The following PTPRD variants were observed in gnomAD, a reference collection of about 807,000 sequenced individuals.
PTPRD encodes the protein protein tyrosine phosphatase receptor type D.
A neutral mutation model predicts 214.5 loss-of-function variants in PTPRD; 34 were observed. The observed-to-expected ratio is 0.16, with a 90% CI of 0.12 to 0.21. PTPRD has a LOEUF of 0.21. Ranked by LOEUF, PTPRD falls within the 10% of genes least tolerant of loss-of-function variation. PTPRD has a pLI of 1.00. For missense variants in PTPRD, 2,545 were observed against 2,398.7 expected (o/e 1.06, Z -1.27); for synonymous variants, 1,128 against 845.7 (o/e 1.33, Z -5.79).
At position 8,415,214 on chromosome 9, in the gene PTPRD, G is replaced by C. The variant is rs562860190; in HGVS notation, c.4087-10554C>G. Among the ~76,000 whole-genome samples the C allele has an allele frequency of 2.6e-5, 4 of 152,268 alleles. No homozygotes were observed. The East Asian group carries it at 7.7e-4, about 29-fold the overall frequency. ...GCTGCACACAAGAGAGAAAAAGGAA[G>C]AAAGCAGAGAATGTGTTTCTCAGCA... On this transcript the variant is annotated intron_variant, in intron 35 of 45. Coordinates refer to ENST00000381196, the MANE Select transcript of PTPRD (RefSeq NM_002839.4).
chr9:9,488,837 G>C (rs970769028), intron 8 of PTPRD, among the ~76,000 whole-genome samples: 3 of 152,166 alleles, frequency 2.0e-5, no homozygotes, highest in Admixed American at 2.0e-4. Context: ...GCAAGCAGCT[G>C]TGGACATGTT....
intron 35 of PTPRD, among the ~76,000 whole-genome samples, chr9:8,427,858 C>A (rs1465774131): frequency 6.6e-6 from 1 of 151,740 alleles, no homozygotes; most frequent in Admixed American, 6.6e-5. Flanking sequence ...GGGGTGATAT[C>A]TTTTATTCCT....
chr9:8,529,333 T>A (rs1188640766), intron 14 of PTPRD, among the ~76,000 whole-genome samples: 1 of 152,088 alleles, frequency 6.6e-6, no homozygotes, highest in African/African-American at 2.4e-5. Context: ...TATAACTCTG[T>A]TTTCCCTCAC....
At chr9:9,825,242 T>C (rs1402853027) in intron 5 of PTPRD, among the ~76,000 whole-genome samples, 1 of 151,952 alleles carries the variant, frequency 6.6e-6, no homozygotes, top group Non-Finnish European at 1.5e-5. Flanking sequence ...TTTACTAGTT[T>C]TCAAAATAAA....
chr9:9,214,196 G>A (rs1266069254), intron 9 of PTPRD, among the ~76,000 whole-genome samples: 2 of 152,162 alleles, frequency 1.3e-5, no homozygotes, highest in Non-Finnish European at 2.9e-5. Context: ...TGCTCCAGCT[G>A]TCAAAAACAC....
chr9:10,577,264 GTGTCT>G (rs1480553197), intron 2 of PTPRD, among the ~76,000 whole-genome samples: 1 of 152,134 alleles, frequency 6.6e-6, no homozygotes, highest in African/African-American at 2.4e-5. Flanking sequence ...ATAAACTAAT[GTGTCT>G]TTTCTTTAGT....
intron 3 of PTPRD, among the ~76,000 whole-genome samples, chr9:10,206,030 T>A (rs1483475905): frequency 3.4e-5 from 5 of 146,532 alleles, no homozygotes; most frequent in African/African-American, 1.3e-4. Flanking sequence ...AATAGCTTTA[T>A]GTAAAAAAAA....
chr9:9,411,827 T>A (rs1315122025), intron 8 of PTPRD, among the ~76,000 whole-genome samples: 1 of 152,154 alleles, frequency 6.6e-6, no homozygotes, highest in African/African-American at 2.4e-5. Context: ...GGAATAAATG[T>A]GTGTTTTTGA....
At chr9:10,537,010 T>C (rs1357009174) in intron 2 of PTPRD, among the ~76,000 whole-genome samples, 2 of 152,094 alleles carry the variant, frequency 1.3e-5, no homozygotes, top group Admixed American at 6.6e-5. Context: ...TCTCAAACTA[T>C]CCCATAATTG....
intron 34 of PTPRD, among the ~76,000 whole-genome samples, chr9:8,446,310 C>G (rs2095722156): frequency 6.6e-6 from 1 of 152,324 alleles, no homozygotes. Context: ...CTTCTTAAAT[C>G]TCGATTCTCC....
chr9:9,991,700 C>G (rs1042252406), intron 4 of PTPRD, among the ~76,000 whole-genome samples: 1 of 152,070 alleles, frequency 6.6e-6, no homozygotes, highest in Non-Finnish European at 1.5e-5. Context: ...ACAGTCAAGT[C>G]ATAGAGAAAG....
chr9:9,087,429 C>T (rs745461956), intron 10 of PTPRD, among the ~76,000 whole-genome samples: 4 of 152,060 alleles, frequency 2.6e-5, no homozygotes, highest in Non-Finnish European at 5.9e-5. Flanking sequence ...TGAGAAGGTC[C>T]GGAAGGCAGC....
At chr9:10,281,384 T>A (rs2095102711) in intron 3 of PTPRD, among the ~76,000 whole-genome samples, 1 of 146,710 alleles carries the variant, frequency 6.8e-6, no homozygotes, top group African/African-American at 2.8e-5. Context: ...TCACAGTTAA[T>A]GGATGAGATG....
intron 5 of PTPRD, among the ~76,000 whole-genome samples, chr9:9,801,423 G>A (rs754169966): frequency 6.6e-6 from 1 of 151,858 alleles, no homozygotes; most frequent in Non-Finnish European, 1.5e-5. Flanking sequence ...TTTGTCAAAG[G>A]CTGCCCTTCT....
chr9:8,817,301 T>C (rs2096939869), intron 11 of PTPRD, among the ~76,000 whole-genome samples: 1 of 152,222 alleles, frequency 6.6e-6, no homozygotes. Flanking sequence ...ATGGACACCA[T>C]ATCATGTTGA....
intron 3 of PTPRD, among the ~76,000 whole-genome samples, chr9:10,047,887 A>G (rs2154149982): frequency 6.6e-6 from 1 of 152,300 alleles, no homozygotes; most frequent in South Asian, 2.1e-4. Context: ...AGCCTAGCAC[A>G]GAAATATTAG....
chr9:8,522,780 T>G (rs1162872260), intron 19 of PTPRD, among the ~76,000 whole-genome samples: 1 of 152,174 alleles, frequency 6.6e-6, no homozygotes, highest in Non-Finnish European at 1.5e-5. Flanking sequence ...TGTCATACCA[T>G]AAGAATTTGA....
intron 7 of PTPRD, among the ~76,000 whole-genome samples, chr9:9,656,057 A>T (rs533675605): frequency 1.3e-4 from 20 of 152,328 alleles, no homozygotes; most frequent in African/African-American, 4.8e-4. Flanking sequence ...GAAAGTGAAA[A>T]TTAAAACAAT....
intron 9 of PTPRD, among the ~76,000 whole-genome samples, chr9:9,272,882 A>G (rs1442897617): frequency 6.6e-6 from 1 of 151,204 alleles, no homozygotes; most frequent in Non-Finnish European, 1.5e-5. Flanking sequence ...AATATTTAAT[A>G]TTTTCAGGGG....
Sources: allele counts gnomAD v4.1 joint callset (sites outside exome capture counted in the v4.1 genomes callset), GRCh38; gene constraint gnomAD v4.1.1; transcripts MANE v1.5; gene names NCBI Gene and HGNC (gene_info 2026-07-23, HGNC 2026-07-21).